Variants in HNRNPA1 observed in about 807,000 individuals in gnomAD.
HNRNPA1 encodes heterogeneous nuclear ribonucleoprotein A1, also known as epididymis secretory sperm binding protein.
HNRNPA1 carries 7 observed loss-of-function variants against 44.4 expected under a neutral mutation model. The ratio of observed to expected loss-of-function variants is 0.16; its 90% CI spans 0.09 to 0.30. The LOEUF (loss-of-function observed/expected upper bound fraction) is 0.30, where lower values mean the gene tolerates loss of function less well. HNRNPA1 is among the 10% of genes least tolerant of loss of function. The pLI is 1.00. For synonymous variants in HNRNPA1, 169 were observed against 160.6 expected, an observed-to-expected ratio of 1.05 and a Z score of -0.40; for missense variants, 193 against 465.8, an observed-to-expected ratio of 0.41 and a Z score of 5.39.
chr12:54,281,183 A>T (rs1944158784), intron 1 of HNRNPA1: 2 of 698,364 alleles, frequency 2.9e-6, no homozygotes, highest in South Asian at 3.0e-5. Flanking sequence ...TCGGAAGGCG[A>T]CTAGGGACGC....
rs781029950 is a variant in HNRNPA1 at position 54,282,671 on chromosome 12, T to C, written c.676+6T>C. ...AGGAAACTTCAGTGGTCGTGGTATG[T>C]ATGGTTTATCTACATGTAGTTCTGA... is the stretch of plus-strand genomic sequence containing the variant. On this transcript the variant is annotated splice_donor_region_variant and intron_variant, in intron 6 of 10. Coordinates refer to ENST00000340913, the MANE Select transcript of HNRNPA1 (RefSeq NM_031157.4). 6.2e-7 allele frequency: 1 copy of C among 1,611,716 alleles called. No homozygotes were observed. Among genetic ancestry groups the C allele is most frequent in the African/African-American group, 1.3e-5 (1 of 74,892 alleles).
At chr12:54,284,493 T>G in intron 10 of HNRNPA1, 56 bp from the exon 11 acceptor site, 1 of 728,702 alleles carries the variant, frequency 1.4e-6, no homozygotes, top group Non-Finnish European at 2.4e-6. Context: ...TATTGGATTG[T>G]AGCCTTGAGT....
chr12:54,281,624 G>A (rs948976696), intron 2 of HNRNPA1, 122 bp downstream of exon 2: 8 of 1,010,556 alleles, frequency 7.9e-6, no homozygotes, highest in African/African-American at 1.6e-5. Context: ...TGTTGGCAAA[G>A]GAACGTCCTG....
chr12:54,282,699 TCTCAC>T, intron 6 of HNRNPA1, 34 bp downstream of exon 6: 1 of 1,597,718 alleles, frequency 6.3e-7, no homozygotes, highest in Non-Finnish European at 8.6e-7. Flanking sequence ...AGTTCTGACT[TCTCAC>T]CATCTTTGCT....
In HNRNPA1 at chr12:54,284,290, T is replaced by C. The variant is rs483353027; in HGVS notation, c.1096T>C (p.Tyr366His). ...GYGGSSSSSS[Y>H]GSGRRF The stretch of plus-strand genomic sequence containing the variant: ...TGGCGGTTCCAGCAGCAGCAGTAGC[T>C]ATGGCAGTGGCAGAAGATTTTAATT... Residue 366 changes from tyrosine (Y) to histidine (H), a missense_variant, in exon 10 of 11, where the codon TAT becomes CAT. Physicochemically the swap from Tyr to His is moderately conservative, Grantham distance 83 (BLOSUM62 2). Transcript: ENST00000340913. 1 of 1,614,004 alleles carries C rather than the reference T, an allele frequency of 6.2e-7. No individual in the cohort carries two copies. The highest frequency in any genetic ancestry group is 8.5e-7 in the Non-Finnish European group (1 of 1,179,958).
intron 7 of HNRNPA1, 51 bp from the exon 8 acceptor site, chr12:54,283,028 T>A: frequency 1.9e-6 from 3 of 1,594,762 alleles, no homozygotes; most frequent in Non-Finnish European, 2.6e-6. Context: ...CTTGCACAAG[T>A]TTTCATTGTC....
At position 54,283,955 on chromosome 12, in the gene HNRNPA1, C is replaced by T. The variant is rs1330961498; in HGVS notation, c.1051C>T (p.Pro351Ser). 1 of 1,606,218 alleles carries T rather than the reference C, an allele frequency of 6.2e-7. No homozygotes were observed. The highest frequency in any genetic ancestry group is 1.3e-5 in the African/African-American group (1 of 75,042). ...CGGTGGAGGCCAATACTTTGCAAAA[C>T]CACGAAACCAAGGTATGGTATCTAT... ...YGGGGQYFAK[P>S]RNQGGYGGSS... is the part of the protein sequence containing the mutation. The change falls in exon 9 of 11, where the codon CCA becomes TCA. Residue 351 changes from proline (P) to serine (S), a missense_variant. By Grantham distance (74) the Pro-to-Ser change is moderately conservative. This residue lies in a region of HNRNPA1 where 136 missense variants were observed against 234.4 expected (regional missense o/e 0.58). Transcript: ENST00000340913.
rs1278715152 is a variant in HNRNPA1 at position 54,284,761 on chromosome 12, T to C, written c.*217T>C. The C allele has an allele frequency of 1.6e-5, 6 of 382,494 alleles. No homozygotes were observed. The highest frequency in any genetic ancestry group is 2.5e-5 in the Non-Finnish European group (5 of 196,344). The allele number at this position is 382,494 out of a possible 1,614,324, so 23.7% of individuals were successfully genotyped here. A position where few individuals can be genotyped will look rare whatever the true frequency, so the allele number is the denominator to read the frequency against. On this transcript the variant is annotated 3_prime_UTR_variant, in exon 11 of 11. Coordinates refer to ENST00000340913, the MANE Select transcript of HNRNPA1 (RefSeq NM_031157.4). Reference sequence around the variant, plus strand: ...ACAGGTTATTTTAGTTTCTGTTCTGTGGAAAGTGTAAAGCATTCCAACAAA... The same window carrying C: ...ACAGGTTATTTTAGTTTCTGTTCTGCGGAAAGTGTAAAGCATTCCAACAAA...
intron 8 of HNRNPA1, 24 bp from the exon 9 acceptor site, chr12:54,283,788 A>G (rs752998570): frequency 2.4e-5 from 39 of 1,610,934 alleles, no homozygotes; most frequent in Non-Finnish European, 3.2e-5. Context: ...GGTAACAGAT[A>G]AAGGCCCTCT....
Position 54,281,366 on chromosome 12 carries a change from TC to T in HNRNPA1, c.16-15del. The T allele has an allele frequency of 1.5e-6, 2 of 1,364,168 alleles. No individual in the cohort carries two copies. Among genetic ancestry groups the T allele is most frequent in the South Asian group, 1.2e-5 (1 of 82,892 alleles). 84.5% of individuals were successfully genotyped at this position (1,364,168 alleles called of 1,614,324 possible). A position where few individuals can be genotyped will look rare whatever the true frequency, so the allele number is the denominator to read the frequency against. On this transcript the variant is annotated intron_variant, in intron 1 of 10. Coordinates refer to ENST00000340913, the MANE Select transcript of HNRNPA1 (RefSeq NM_031157.4). ...TTCGTGTTGTAGCCCATTTAACACT[TC>T]CCCCTCCCCCCACTCTAGTCTCCTA...
In HNRNPA1 at chr12:54,281,948, G is replaced by A. The variant is rs955265817; in HGVS notation, c.279+7G>A. 4 of 1,612,268 alleles carry A rather than the reference G, an allele frequency of 2.5e-6. No homozygotes were observed. The highest frequency in any genetic ancestry group is 1.3e-5 in the African/African-American group (1 of 74,842). On this transcript the variant is annotated splice_region_variant and intron_variant, in intron 3 of 10. Coordinates refer to ENST00000340913, the MANE Select transcript of HNRNPA1 (RefSeq NM_031157.4). The stretch of plus-strand genomic sequence containing the variant: ...GAGAGCTGTCTCCAGAGAAGTGAGT[G>A]GGTTTTTTTTCTTCTTCTTCTTAAA...
At chr12:54,283,040 A>G (rs750295573) in intron 7 of HNRNPA1, 39 bp from the exon 8 acceptor site, 6 of 1,604,522 alleles carry the variant, frequency 3.7e-6, no homozygotes, top group African/African-American at 2.7e-5. Flanking sequence ...TTCATTGTCA[A>G]ATACTTTTGT....
In HNRNPA1 at chr12:54,280,839, T is replaced by G. The variant is rs139089880; in HGVS notation, c.15+17T>G. 8.2e-4 allele frequency: 1,328 copies of G among 1,613,662 alleles called. 12 individuals carry two copies. The African/African-American group carries it at 0.016, about 19-fold the overall frequency. On this transcript the variant is annotated intron_variant, in intron 1 of 10. Coordinates refer to ENST00000340913, the MANE Select transcript of HNRNPA1 (RefSeq NM_031157.4). ...AAGTCAGAGGTGAGTTAGGCGCGCT[T>G]TCCCACTTGAATTTTTTCCTCTCCC...
chr12:54,285,230 G>A lies in HNRNPA1; in HGVS notation c.*686G>A, dbSNP rs1453976719. ...CCATTATCATGTGTAATCAATAAAC[G>A]ATTTAATTCTCTTGAATGAAATGAC... On this transcript the variant is annotated 3_prime_UTR_variant, in exon 11 of 11. Transcript: ENST00000340913. The A allele has an allele frequency of 2.0e-5, 3 of 152,846 alleles. No homozygotes were observed. Among genetic ancestry groups the A allele is most frequent in the South Asian group, 2.1e-4 (1 of 4,844 alleles). The allele number at this position is 152,846 out of a possible 1,614,324, so 9.5% of individuals were successfully genotyped here.
chr12:54,281,730 A>G (rs1944175131), intron 2 of HNRNPA1, 65 bp from the exon 3 acceptor site: 3 of 1,526,344 alleles, frequency 2.0e-6, no homozygotes, highest in East Asian at 2.3e-5. Context: ...TGCCCTATTC[A>G]AAGTTAAAAT....
intron 9 of HNRNPA1, 28 bp downstream of exon 9, chr12:54,283,995 T>G (rs1944223621): frequency 6.2e-7 from 1 of 1,602,154 alleles, no homozygotes; most frequent in Non-Finnish European, 8.5e-7. Context: ...TTTTGGATAA[T>G]GTCAAAAGAG....
At position 54,283,993 on chromosome 12, in the gene HNRNPA1, A is replaced by G. The variant is rs1253393464; in HGVS notation, c.1063+26A>G. 46 of 1,602,664 alleles carry G rather than the reference A, an allele frequency of 2.9e-5. No homozygotes were observed. In the Admixed American group the frequency reaches 7.2e-4, roughly 25 times the overall value. ...GTATGGTATCTATGTAATTTTGGATAATGTCAAAAGAGTGTCTGTAGCTAC... is the reference window on the plus strand; with the variant it reads ...GTATGGTATCTATGTAATTTTGGATGATGTCAAAAGAGTGTCTGTAGCTAC... On this transcript the variant is annotated intron_variant, in intron 9 of 10. Coordinates refer to ENST00000340913, the MANE Select transcript of HNRNPA1 (RefSeq NM_031157.4).
At chr12:54,284,133 C>T in intron 9 of HNRNPA1, 125 bp from the exon 10 acceptor site, 3 of 1,246,044 alleles carry the variant, frequency 2.4e-6, no homozygotes, top group Admixed American at 4.9e-5. Context: ...GACCTCTTTA[C>T]CACCTCCCTT....
intron 1 of HNRNPA1, chr12:54,281,130 G>A (rs764128898): frequency 8.6e-6 from 6 of 699,818 alleles, no homozygotes; most frequent in Non-Finnish European, 1.0e-5. Context: ...TAGTCCCATT[G>A]TGGAGATGCA....
Sources: allele counts gnomAD v4.1 joint callset, GRCh38; gene constraint gnomAD v4.1.1; regional missense constraint gnomAD v4.1.1; transcripts MANE v1.5; gene names NCBI Gene and HGNC (gene_info 2026-07-23, HGNC 2026-07-21).